ZNF385C: variants seen among roughly 807,000 people sequenced by gnomAD.
ZNF385C encodes CTD-2132N18.2.
ZNF385C carries 28 observed loss-of-function variants against 35.4 expected under a neutral mutation model. The ratio of observed to expected loss-of-function variants is 0.79; its 90% CI spans 0.59 to 1.08. The LOEUF (loss-of-function observed/expected upper bound fraction) is 1.08. ZNF385C is among the 50% of genes least tolerant of loss of function. The pLI, the probability that ZNF385C is intolerant of heterozygous loss-of-function variation, is 0.00. For missense variants in ZNF385C, 605 were observed against 595.6 expected, an observed-to-expected ratio of 1.02 and a Z score of -0.16; for synonymous variants, 248 against 248.2, an observed-to-expected ratio of 1.00 and a Z score of 0.01.
At chr17:42,038,330 C>A in intron 2 of ZNF385C, 1 of 432,560 alleles carries the variant, frequency 2.3e-6, no homozygotes, top group Non-Finnish European at 4.1e-6. Context: ...ACTATCCTCC[C>A]TCCCTCCAGA....
chr17:42,078,646 G>A (rs1176166192), intron 1 of ZNF385C, among the ~76,000 whole-genome samples: 2 of 152,096 alleles, frequency 1.3e-5, no homozygotes, highest in Non-Finnish European at 2.9e-5. Context: ...TGACTCCCCC[G>A]ACTTTCCCAC....
At chr17:42,042,383 G>A (rs781850021) in intron 2 of ZNF385C, among the ~76,000 whole-genome samples, 5 of 152,142 alleles carry the variant, frequency 3.3e-5, no homozygotes, top group Admixed American at 1.3e-4. Flanking sequence ...TTAGCTGAGC[G>A]TGGTGGCACA....
rs540595715 is a variant in ZNF385C, at chr17:42,026,321, A to G, written c.*576T>C. ...CCTTCAGAGCAGATGAAGCCCCCAA[A>G]AGCTTTCAGAACCAGCCCCACTACC... On this transcript the variant is annotated 3_prime_UTR_variant, in exon 9 of 9. Transcript: ENST00000692273. 6.4e-6 allele frequency: 1 copy of G among 157,026 alleles called. No individual in the cohort carries two copies. The highest frequency in any genetic ancestry group is 1.4e-5 in the Non-Finnish European group (1 of 70,768). The allele number at this position is 157,026 out of a possible 1,614,324, so 9.7% of individuals were successfully genotyped here.
chr17:42,031,350 C>A lies in ZNF385C; in HGVS notation c.676+269G>T, dbSNP rs181733265. 1.1e-3 allele frequency among the ~76,000 whole-genome samples: 161 copies of A among 152,204 alleles called. 1 individual carries two copies. Among genetic ancestry groups the A allele is most frequent in the African/African-American group, 3.5e-3 (147 of 41,516 alleles). ...CCATTCCTAACTTCACAAATGAAGT[C>A]ATTTGTGAAGGCAGCCCTTGGAAAT... On this transcript the variant is annotated intron_variant, in intron 5 of 8. Coordinates refer to ENST00000692273, the MANE Select transcript of ZNF385C (RefSeq NM_001392013.1).
rs2052896008 is a variant in ZNF385C, at chr17:42,037,800, C to G, written c.336G>C (p.Lys112Asn). The G allele has an allele frequency of 2.0e-6, 3 of 1,529,730 alleles. No individual in the cohort carries two copies. The highest frequency in any genetic ancestry group is 2.0e-4 in the Middle Eastern group (1 of 4,962). 94.8% of individuals were successfully genotyped at this position (1,529,730 alleles called of 1,614,324 possible). The change falls in exon 3 of 9, where the codon AAG (lysine) becomes AAC (asparagine). Residue 112 changes from lysine to asparagine, a missense_variant. By Grantham distance (94) the Lys-to-Asn change is moderately conservative. Coordinates refer to ENST00000692273, the MANE Select transcript of ZNF385C (RefSeq NM_001392013.1). Reference protein sequence around the residue: ...TRPLQPPLDFKHLLAFHFNGA... With the variant: ...TRPLQPPLDFNHLLAFHFNGA... ...CATTGAAGTGGAAGGCGAGCAAGTG[C>G]TTGAAGTCCAGCGGGGGCTGCAGAG...
rs1478704504 is a variant in ZNF385C at position 42,027,105 on chromosome 17, G to T, written c.1304C>A (p.Thr435Asn). Residue 435 changes from threonine to asparagine, a missense_variant, in exon 9 of 9, where the codon ACC becomes AAC. By Grantham distance (65) the Thr-to-Asn change is moderately conservative (BLOSUM62 0). Coordinates refer to ENST00000692273, the MANE Select transcript of ZNF385C (RefSeq NM_001392013.1). ...KSKLALQKQL[T>N]KTLAARFLPS... ...CAGGAAGCGGGCTGCCAACGTCTTG[G>T]TGAGTTGCTTCTGCAAGGCCAGTTT... is the stretch of plus-strand genomic sequence containing the variant. 3.1e-6 allele frequency: 5 copies of T among 1,613,350 alleles called. No homozygotes were observed. Among genetic ancestry groups the T allele is most frequent in the Non-Finnish European group, 4.2e-6 (5 of 1,179,804 alleles).
At chr17:42,036,215 T>C (rs117335915) in intron 3 of ZNF385C, among the ~76,000 whole-genome samples, 4,869 of 152,108 alleles carry the variant, frequency 0.032, 135 homozygotes, top group South Asian at 0.095. Flanking sequence ...GCCAGGCTAG[T>C]CTCAAACTCC....
chr17:42,027,810 C>T, intron 7 of ZNF385C, 82 bp from the exon 8 acceptor site: 1 of 1,432,728 alleles, frequency 7.0e-7, no homozygotes, highest in South Asian at 1.2e-5. Flanking sequence ...CTTCCCCTTC[C>T]TCTATCCACA....
At chr17:42,055,853 C>T (rs1371076696) in intron 2 of ZNF385C, among the ~76,000 whole-genome samples, 2 of 152,022 alleles carry the variant, frequency 1.3e-5, no homozygotes, top group Non-Finnish European at 1.5e-5. Context: ...ATGGAGGGAC[C>T]GATTCAAACA....
chr17:42,053,572 C>T (rs1267451700), intron 2 of ZNF385C, among the ~76,000 whole-genome samples: 1 of 152,160 alleles, frequency 6.6e-6, no homozygotes, highest in Non-Finnish European at 1.5e-5. Context: ...GCCCAGATGT[C>T]CAGCACCCCT....
chr17:42,068,573 C>G (rs1857186336), intron 1 of ZNF385C, among the ~76,000 whole-genome samples: 2 of 152,146 alleles, frequency 1.3e-5, no homozygotes, highest in South Asian at 4.1e-4. Context: ...AGGCTGGCCT[C>G]AAACTTGTAG....
At chr17:42,044,339 G>A (rs1335385245) in intron 2 of ZNF385C, among the ~76,000 whole-genome samples, 2 of 149,320 alleles carry the variant, frequency 1.3e-5, no homozygotes, top group Non-Finnish European at 3.0e-5. Flanking sequence ...AAAGACGGCC[G>A]GGTGGGGTGG....
chr17:42,029,667 T>C (rs957529945), intron 5 of ZNF385C, among the ~76,000 whole-genome samples: 7 of 151,104 alleles, frequency 4.6e-5, no homozygotes, highest in Non-Finnish European at 7.4e-5. Context: ...TGAACTGAGA[T>C]CACACCACTG....
chr17:42,071,364 T>C (rs1175253746), intron 1 of ZNF385C, among the ~76,000 whole-genome samples: 1 of 151,992 alleles, frequency 6.6e-6, no homozygotes, highest in African/African-American at 2.4e-5. Flanking sequence ...GGTCCAGAGA[T>C]GAAGTCACTG....
At chr17:42,084,160 A>G (rs1408122101) in intron 1 of ZNF385C, among the ~76,000 whole-genome samples, 2 of 151,766 alleles carry the variant, frequency 1.3e-5, no homozygotes, top group African/African-American at 4.8e-5. Flanking sequence ...TCTGTGCTGA[A>G]CATATCAAGA....
chr17:42,027,692 C>T lies in ZNF385C; in HGVS notation c.1201G>A (p.Gly401Arg), dbSNP rs782542339. 14 of 1,612,610 alleles carry T rather than the reference C, an allele frequency of 8.7e-6. No homozygotes were observed. The highest frequency in any genetic ancestry group is 5.0e-5 in the Admixed American group (3 of 59,522). The part of the protein sequence containing the change: ...SSRRHKDRLA[G>R]KTPKPSSQHS... ...TGGCTGGAGGGCTTGGGGGTCTTCC[C>T]GGCCAGGCGGTCTTTGTGCCTCCTG... Residue 401 changes from glycine to arginine, a missense_variant, in exon 8 of 9, where the codon GGG becomes AGG. Transcript: ENST00000692273.
At chr17:42,056,030 C>G (rs1461739768) in intron 2 of ZNF385C, among the ~76,000 whole-genome samples, 1 of 152,226 alleles carries the variant, frequency 6.6e-6, no homozygotes, top group African/African-American at 2.4e-5. Context: ...TAACCTGTCC[C>G]CCGTACTGTC....
chr17:42,039,453 G>A, intron 2 of ZNF385C: 1 of 374,588 alleles, frequency 2.7e-6, no homozygotes, highest in Non-Finnish European at 4.7e-6. Context: ...TAAAGGCCAG[G>A]AATGATTTAG....
At chr17:42,054,262 A>C (rs781796950) in intron 2 of ZNF385C, among the ~76,000 whole-genome samples, 1 of 152,184 alleles carries the variant, frequency 6.6e-6, no homozygotes, top group Non-Finnish European at 1.5e-5. Flanking sequence ...GGGAAGGAGG[A>C]GCTGCTGGTC....
Sources: gnomAD v4.1 joint callset for allele counts (sites outside exome capture counted in the v4.1 genomes callset) on GRCh38, gnomAD v4.1.1 for gene constraint, MANE v1.5 for transcripts, NCBI Gene and HGNC (gene_info 2026-07-23, HGNC 2026-07-21) for gene names.